Variants in CES5A observed in about 807,000 individuals in gnomAD.
CES5A encodes the protein carboxylesterase 5.
Under a neutral mutation model 62.9 loss-of-function variants are expected in CES5A, and 67 were observed. The observed-to-expected ratio is 1.07, with a 90% CI of 0.88 to 1.31. The LOEUF is 1.31. CES5A is among the 50% of genes most tolerant of loss of function. CES5A has a pLI of 0.00. For missense variants in CES5A, 748 were observed against 708.5 expected, an observed-to-expected ratio of 1.06 and a Z score of -0.63; for synonymous variants, 296 against 280.8, an observed-to-expected ratio of 1.05 and a Z score of -0.54.
intron 1 of CES5A, among the ~76,000 whole-genome samples, chr16:55,914,885 T>C (rs1165358662): frequency 5.3e-5 from 8 of 152,216 alleles, no homozygotes; most frequent in Non-Finnish European, 1.0e-4. Context: ...TTTTGACCCT[T>C]GTGCTGTGGT....
chr16:55,927,235 C>A (rs1397175517), upstream of CES5A, among the ~76,000 whole-genome samples: 1 of 152,070 alleles, frequency 6.6e-6, no homozygotes, highest in Non-Finnish European at 1.5e-5. Flanking sequence ...ACTCCAAAAG[C>A]AAATGCAATA....
At chr16:55,925,101 T>C (rs1045596746) in intron 1 of CES5A, among the ~76,000 whole-genome samples, 2 of 152,074 alleles carry the variant, frequency 1.3e-5, no homozygotes, top group Admixed American at 1.3e-4. Context: ...TGAGAAAATA[T>C]TTGTAAACTC....
At chr16:55,915,370 G>C (rs962820814) in intron 1 of CES5A, among the ~76,000 whole-genome samples, 3 of 152,148 alleles carry the variant, frequency 2.0e-5, no homozygotes, top group African/African-American at 4.8e-5. Context: ...GAAGCGGGAG[G>C]AAAAGAAGGA....
chr16:55,853,786 T>C (rs114201425), intron 9 of CES5A, among the ~76,000 whole-genome samples: 385 of 152,292 alleles, frequency 2.5e-3, no homozygotes, highest in South Asian at 0.024. Flanking sequence ...TAGGCACTAA[T>C]GGCAGAGAGT....
chr16:55,875,031 A>T, intron 1 of CES5A, 118 bp downstream of exon 1: 2 of 1,010,004 alleles, frequency 2.0e-6, no homozygotes, highest in Non-Finnish European at 1.6e-6. Context: ...CCATCAAAGT[A>T]CTACATAGCT....
rs147413705 is a variant in CES5A, at chr16:55,865,492, G to A, written c.705+471C>T. Among the ~76,000 whole-genome samples the A allele has an allele frequency of 1.9e-3, 287 of 152,326 alleles. 3 individuals carry two copies. The East Asian group carries it at 0.041, about 22-fold the overall frequency. ...ACAGTGAATTTTGCAGGTGGTTTATGCAAGACAATCCATGTTGGAAATCGA... is the reference window on the plus strand; with the variant it reads ...ACAGTGAATTTTGCAGGTGGTTTATACAAGACAATCCATGTTGGAAATCGA... On this transcript the variant is annotated intron_variant, in intron 5 of 12. Coordinates refer to ENST00000290567, the MANE Select transcript of CES5A (RefSeq NM_001143685.2).
chr16:55,938,750 AAAAAAAAAAAAAAAAATAT>A (rs2034406041), intron 2 of CES5A, among the ~76,000 whole-genome samples: 1 of 73,682 alleles, frequency 1.4e-5, no homozygotes, highest in African/African-American at 6.0e-5. Context: ...AAAAAAAAAA[AAAAAAAAAAAAAAAAATAT>A]ATATATATAT....
At chr16:55,847,703 CA>C (rs1489030638) in intron 11 of CES5A, among the ~76,000 whole-genome samples, 8 of 152,036 alleles carry the variant, frequency 5.3e-5, no homozygotes, top group Non-Finnish European at 1.2e-4. Context: ...ATCAAACTGC[CA>C]TTTGTTGTTC....
intron 1 of CES5A, among the ~76,000 whole-genome samples, chr16:55,914,830 G>A (rs978264911): frequency 3.3e-5 from 5 of 152,090 alleles, no homozygotes; most frequent in South Asian, 2.1e-4. Context: ...TCGGAAAAAC[G>A]TCAGCAGTTT....
chr16:55,850,239 G>A (rs1281531305), intron 10 of CES5A, among the ~76,000 whole-genome samples: 1 of 152,130 alleles, frequency 6.6e-6, no homozygotes, highest in Non-Finnish European at 1.5e-5. Flanking sequence ...AGTGAAATCT[G>A]CCCCTTGAAC....
chr16:55,873,257 T>C (rs1399245742), intron 2 of CES5A, among the ~76,000 whole-genome samples: 1 of 152,130 alleles, frequency 6.6e-6, no homozygotes, highest in African/African-American at 2.4e-5. Context: ...AGGAGCTCCT[T>C]ACCTCCCAGA....
chr16:55,899,858 T>A (rs2033972831), intron 1 of CES5A, among the ~76,000 whole-genome samples: 1 of 152,198 alleles, frequency 6.6e-6, no homozygotes, highest in Non-Finnish European at 1.5e-5. Context: ...CATATGATAT[T>A]GTCTATATTT....
chr16:55,863,313 A>T, intron 6 of CES5A, 35 bp downstream of exon 6: 2 of 1,084,148 alleles, frequency 1.8e-6, no homozygotes, highest in Non-Finnish European at 2.9e-6. Flanking sequence ...CTAACTGAGG[A>T]GAGGAAGGTG....
At chr16:55,921,658 T>C (rs1364344594) in intron 1 of CES5A, among the ~76,000 whole-genome samples, 1 of 145,230 alleles carries the variant, frequency 6.9e-6, no homozygotes, top group Non-Finnish European at 1.5e-5. Context: ...AAAAAACCAT[T>C]GAAGTGCAAA....
At chr16:55,861,379 G>A in intron 7 of CES5A, 33 bp downstream of exon 7, 1 of 1,254,460 alleles carries the variant, frequency 8.0e-7, no homozygotes, top group Non-Finnish European at 1.2e-6. Flanking sequence ...CGAAGGGCAA[G>A]CCTGCCCCCA....
intron 2 of CES5A, among the ~76,000 whole-genome samples, chr16:55,943,207 T>C (rs1256359785): frequency 6.6e-6 from 1 of 152,258 alleles, no homozygotes; most frequent in Non-Finnish European, 1.5e-5. Flanking sequence ...AATGTAGCAC[T>C]TTATTTTCTA....
intron 1 of CES5A, among the ~76,000 whole-genome samples, chr16:55,899,729 G>C (rs2033971124): frequency 6.6e-6 from 1 of 152,198 alleles, no homozygotes; most frequent in South Asian, 2.1e-4. Context: ...CTAGTGGAGA[G>C]GTACTGATAT....
intron 2 of CES5A, among the ~76,000 whole-genome samples, chr16:55,872,642 T>C (rs541070317): frequency 5.9e-5 from 9 of 152,316 alleles, no homozygotes; most frequent in African/African-American, 2.2e-4. Context: ...TGTGCAATAT[T>C]GCTGCACGTC....
chr16:55,855,721 C>T (rs1289875346), intron 9 of CES5A, among the ~76,000 whole-genome samples: 3 of 152,248 alleles, frequency 2.0e-5, no homozygotes, highest in East Asian at 3.9e-4. Context: ...ACAAATCAGT[C>T]AAGGTCTGGT....
Sources: allele counts gnomAD v4.1 joint callset (sites outside exome capture counted in the v4.1 genomes callset), GRCh38; gene constraint gnomAD v4.1.1; transcripts MANE v1.5; gene names NCBI Gene and HGNC (gene_info 2026-07-23, HGNC 2026-07-21).